DUSP16: variants seen among roughly 807,000 people sequenced by gnomAD.
DUSP16 encodes dual specificity phosphatase 16.
DUSP16 carries 21 observed loss-of-function variants against 58.3 expected under a neutral mutation model. The ratio of observed to expected loss-of-function variants is 0.36; its 90% CI spans 0.26 to 0.52. The LOEUF (loss-of-function observed/expected upper bound fraction) is 0.52, where lower values mean the gene tolerates loss of function less well. Among genes scored for constraint, DUSP16 ranks in the 20% least tolerant of loss-of-function variants. The pLI is 0.94. For synonymous variants in DUSP16, 320 were observed against 323.8 expected, an observed-to-expected ratio of 0.99 and a Z score of 0.12; for missense variants, 726 against 819.0, an observed-to-expected ratio of 0.89 and a Z score of 1.39.
intron 4 of DUSP16, among the ~76,000 whole-genome samples, chr12:12,493,418 G>C (rs1943788191): frequency 2.6e-5 from 4 of 152,126 alleles, no homozygotes; most frequent in Admixed American, 2.0e-4. Context: ...AGGAAATTCA[G>C]GCTATTTTCA....
chr12:12,483,757 T>TA (rs1340738272), intron 5 of DUSP16, among the ~76,000 whole-genome samples: 2 of 152,224 alleles, frequency 1.3e-5, no homozygotes, highest in East Asian at 3.9e-4. Flanking sequence ...CAAACTCTGT[T>TA]ACTGGCACAT....
chr12:12,494,888 A>T (rs1943807824), intron 4 of DUSP16, among the ~76,000 whole-genome samples: 1 of 152,188 alleles, frequency 6.6e-6, no homozygotes, highest in African/African-American at 2.4e-5. Context: ...CTCCTAAAGG[A>T]TCTCTTCTTG....
chr12:12,478,733 A>G (rs115674682), intron 6 of DUSP16, among the ~76,000 whole-genome samples: 11,525 of 152,258 alleles, frequency 0.076, 489 homozygotes, highest in Middle Eastern at 0.099. Context: ...TCCTTCTTCA[A>G]TTTCCAATGT....
intron 1 of DUSP16, among the ~76,000 whole-genome samples, chr12:12,553,086 TTTG>T (rs1366185749): frequency 6.6e-6 from 1 of 152,090 alleles, no homozygotes. Flanking sequence ...TGGCCTAATG[TTTG>T]TTATTTTTTA....
intron 5 of DUSP16, 130 bp downstream of exon 5, chr12:12,486,898 G>T: frequency 9.5e-7 from 1 of 1,049,044 alleles, no homozygotes; most frequent in Non-Finnish European, 1.4e-6. Flanking sequence ...TGCACCACGT[G>T]CTGTTTTCAG....
At chr12:12,546,168 G>A (rs1330795081) in intron 1 of DUSP16, among the ~76,000 whole-genome samples, 2 of 152,088 alleles carry the variant, frequency 1.3e-5, no homozygotes, top group South Asian at 2.1e-4. Flanking sequence ...CATTTGGGGG[G>A]GAAATTCTGC....
At chr12:12,550,289 A>AAAT (rs1555169845) in intron 1 of DUSP16, among the ~76,000 whole-genome samples, 3 of 149,010 alleles carry the variant, frequency 2.0e-5, no homozygotes, top group Non-Finnish European at 1.5e-5. Flanking sequence ...AAAAAAAAAA[A>AAAT]TGTGTATCAG....
intron 4 of DUSP16, among the ~76,000 whole-genome samples, chr12:12,497,418 T>A (rs1592175001): frequency 6.6e-6 from 1 of 152,256 alleles, no homozygotes; most frequent in East Asian, 1.9e-4. Flanking sequence ...ATTTTTGGTG[T>A]AATATAAGCA....
intron 1 of DUSP16, among the ~76,000 whole-genome samples, chr12:12,540,949 C>CTTTTTTTTTTTT (rs1191975095): frequency 1.1e-4 from 5 of 43,806 alleles, no homozygotes; most frequent in Admixed American, 2.9e-4. Flanking sequence ...CTTTTCTTTT[C>CTTTTTTTTTTTT]TTTTTTTTTT....
chr12:12,486,880 G>A, intron 5 of DUSP16, 148 bp downstream of exon 5: 1 of 860,956 alleles, frequency 1.2e-6, no homozygotes, highest in Non-Finnish European at 1.8e-6. Context: ...ACCACCAGAT[G>A]AGTAAGCTGC....
chr12:12,539,183 A>T (rs1944513546), intron 1 of DUSP16, among the ~76,000 whole-genome samples: 1 of 152,232 alleles, frequency 6.6e-6, no homozygotes, highest in African/African-American at 2.4e-5. Flanking sequence ...AAATCTGGTG[A>T]CACATGTAAC....
rs59897494 is a variant in DUSP16, at chr12:12,477,731, TGCACGCTGG to T, written c.1091_1099del (p.Pro364_Val366del). On this transcript the variant is annotated inframe_deletion, in exon 7 of 7. Transcript: ENST00000298573. This position sits in a 1 kb window ranked among gnomAD's most constrained non-coding sequence, Gnocchi z 4.1. ...CGGGCTGTCCTCTAACAGCGACGGC[TGCACGCTGG>T]GCACGCTGGGCACGCTGGCGGGATG... 0.041 allele frequency: 66,532 copies of T among 1,603,720 alleles called. 2,748 individuals are homozygous for T. Among genetic ancestry groups the T allele is most frequent in the African/African-American group, 0.19 (14,458 of 74,630 alleles).
At chr12:12,502,518 A>AG (rs1943923688) in intron 3 of DUSP16, among the ~76,000 whole-genome samples, 1 of 151,906 alleles carries the variant, frequency 6.6e-6, no homozygotes, top group Admixed American at 6.6e-5. Context: ...ACAGGCCCTC[A>AG]GGATACCTGC....
intron 3 of DUSP16, among the ~76,000 whole-genome samples, chr12:12,504,222 G>A (rs1470250634): frequency 6.6e-6 from 1 of 152,182 alleles, no homozygotes; most frequent in African/African-American, 2.4e-5. Context: ...TAAATTGTAT[G>A]ATGTTAAATT....
rs189772726 is a variant in DUSP16 at position 12,511,348 on chromosome 12, C to T, written c.367+8514G>A. Among the ~76,000 whole-genome samples the T allele has an allele frequency of 2.8e-4, 42 of 152,262 alleles. No homozygotes were observed. In the East Asian group the frequency reaches 8.1e-3, roughly 29 times the overall value. The stretch of plus-strand genomic sequence containing the variant: ...ATCTCCAATAGCTCACAATACCCAT[C>T]ACCTTAAAGTACAAATTCTTCCTTC... On this transcript the variant is annotated intron_variant, in intron 3 of 6. Transcript: ENST00000298573.
chr12:12,526,048 C>T (rs1944302194), intron 1 of DUSP16, among the ~76,000 whole-genome samples: 2 of 152,092 alleles, frequency 1.3e-5, no homozygotes, highest in African/African-American at 4.8e-5. Context: ...ATCAGGGCTA[C>T]TACACAAAAA....
chr12:12,550,962 C>G (rs758687898), intron 1 of DUSP16, among the ~76,000 whole-genome samples: 4 of 151,930 alleles, frequency 2.6e-5, no homozygotes, highest in Non-Finnish European at 5.9e-5. Context: ...TTTAAAACGT[C>G]AACTCTTGAG....
At chr12:12,523,420 G>A (rs1297746761) in intron 1 of DUSP16, among the ~76,000 whole-genome samples, 2 of 152,156 alleles carry the variant, frequency 1.3e-5, no homozygotes, top group African/African-American at 4.8e-5. Context: ...TCCTCCTATA[G>A]TACAGCTGCA....
At chr12:12,491,403 T>C (rs1224534934) in intron 4 of DUSP16, 4 of 152,172 alleles carry the variant, frequency 2.6e-5, no homozygotes, top group Admixed American at 2.0e-4. Flanking sequence ...TTATGAAGAA[T>C]GAGTCTGATT....
Sources: gnomAD v4.1 joint callset for allele counts (sites outside exome capture counted in the v4.1 genomes callset) on GRCh38, gnomAD v4.1.1 for gene constraint, Gnocchi (gnomAD v3.1) non-coding constraint, MANE v1.5 for transcripts, NCBI Gene and HGNC (gene_info 2026-07-23, HGNC 2026-07-21) for gene names.